The following SMC6 variants were observed in gnomAD, a reference collection of about 807,000 sequenced individuals.
SMC6 encodes the protein structural maintenance of chromosomes protein 6.
Under a neutral mutation model 142.2 loss-of-function variants are expected in SMC6, and 79 were observed. That is an observed-to-expected ratio of 0.56 (90% confidence interval 0.46 to 0.67). The LOEUF (loss-of-function observed/expected upper bound fraction) is 0.67. Among genes scored for constraint, SMC6 ranks in the 30% least tolerant of loss-of-function variants. The probability of loss-of-function intolerance (pLI) is 0.00; values close to 1 mark genes in which losing one functional copy is unlikely to be tolerated. For synonymous variants in SMC6, 411 were observed against 412.4 expected (o/e 1.00, Z 0.04); for missense variants, 1,072 against 1,284.0 (o/e 0.83, Z 2.52).
At chr2:17,699,300 T>C (rs1390807556) in intron 21 of SMC6, among the ~76,000 whole-genome samples, 2 of 152,142 alleles carry the variant, frequency 1.3e-5, no homozygotes, top group African/African-American at 2.4e-5. Context: ...CTGGTCTCCA[T>C]GGTTTCTGAT....
intron 16 of SMC6, among the ~76,000 whole-genome samples, chr2:17,709,750 C>CT (rs1286735336): frequency 2.6e-5 from 4 of 152,008 alleles, no homozygotes; most frequent in Admixed American, 6.6e-5. Flanking sequence ...GCTTATGGTG[C>CT]TTTTTTACAC....
At chr2:17,673,336 CACTTAATGTT>C (rs935993655) in intron 25 of SMC6, among the ~76,000 whole-genome samples, 8 of 151,914 alleles carry the variant, frequency 5.3e-5, no homozygotes, top group African/African-American at 1.9e-4. Flanking sequence ...CTTCTTTTAT[CACTTAATGTT>C]ACTTTTTGAT....
intron 23 of SMC6, among the ~76,000 whole-genome samples, chr2:17,684,184 C>T (rs988513395): frequency 1.3e-5 from 2 of 152,114 alleles, no homozygotes; most frequent in Non-Finnish European, 2.9e-5. Flanking sequence ...CCTCCCCTGT[C>T]CTAAACAAGA....
At chr2:17,702,071 G>A (rs1405861116) in intron 19 of SMC6, among the ~76,000 whole-genome samples, 162 bp from the exon 20 acceptor site, 3 of 152,080 alleles carry the variant, frequency 2.0e-5, no homozygotes, top group African/African-American at 4.8e-5. Flanking sequence ...AGGAAATTAC[G>A]TATAAATTCT....
At chr2:17,691,327 T>C (rs879694513) in intron 23 of SMC6, among the ~76,000 whole-genome samples, 8 of 97,032 alleles carry the variant, frequency 8.2e-5, no homozygotes, top group South Asian at 2.7e-4. Context: ...TGTGTGTGTG[T>C]GTGTGTCTCT....
chr2:17,753,688 C>T lies in SMC6; in HGVS notation c.-155G>A, dbSNP rs1413870289. The T allele has an allele frequency of 6.6e-6, 1 of 152,222 alleles. No individual in the cohort carries two copies. The highest frequency in any genetic ancestry group is 2.4e-5 in the African/African-American group (1 of 41,462). 9.4% of individuals were successfully genotyped at this position (152,222 alleles called of 1,614,324 possible). A position where few individuals can be genotyped will look rare whatever the true frequency, so the allele number is the denominator to read the frequency against. Reference sequence around the variant, plus strand: ...GCGGGGCTGCCGTGGTACGACCGGCCGCTAAGGCCACCCTGCGGGCGTCTC... The same window carrying T: ...GCGGGGCTGCCGTGGTACGACCGGCTGCTAAGGCCACCCTGCGGGCGTCTC... On this transcript the variant is annotated 5_prime_UTR_variant, in exon 1 of 28. Transcript: ENST00000448223.
intron 20 of SMC6, 57 bp downstream of exon 20, chr2:17,701,772 C>A: frequency 9.5e-7 from 1 of 1,057,586 alleles, no homozygotes; most frequent in Non-Finnish European, 1.4e-6. Context: ...ATGCCATTAA[C>A]CTAAATGGTG....
intron 7 of SMC6, 80 bp downstream of exon 7, chr2:17,730,998 A>T: frequency 9.0e-7 from 1 of 1,113,542 alleles, no homozygotes. Flanking sequence ...GGCCATTTAA[A>T]TTTTTTCTAC....
In SMC6 at chr2:17,711,148, A is replaced by G. The variant is rs561787886; in HGVS notation, c.1731-2395T>C. Among the ~76,000 whole-genome samples the G allele has an allele frequency of 1.1e-4, 16 of 152,300 alleles. No individual in the cohort carries two copies. The South Asian group carries it at 3.3e-3, about 32-fold the overall frequency. The stretch of plus-strand genomic sequence containing the variant: ...AAGGAGTCACCATTTTCGGGCAGCC[A>G]AAGGCCATCATTACATGAAGCTGTT... On this transcript the variant is annotated intron_variant, in intron 16 of 27. Coordinates refer to ENST00000448223, the MANE Select transcript of SMC6 (RefSeq NM_001142286.2).
At chr2:17,675,586 A>C (rs1666960815) in intron 25 of SMC6, among the ~76,000 whole-genome samples, 1 of 152,066 alleles carries the variant, frequency 6.6e-6, no homozygotes, top group African/African-American at 2.4e-5. Context: ...AAGATGTTTC[A>C]TCCTCATTTT....
intron 24 of SMC6, among the ~76,000 whole-genome samples, chr2:17,682,330 T>C (rs1006439065): frequency 5.9e-5 from 9 of 152,180 alleles, no homozygotes; most frequent in African/African-American, 2.2e-4. Context: ...TAGAACTGCC[T>C]GCTAGTTCTA....
At chr2:17,701,994 T>A in intron 19 of SMC6, 85 bp from the exon 20 acceptor site, 1 of 695,180 alleles carries the variant, frequency 1.4e-6, no homozygotes, top group South Asian at 1.9e-5. Flanking sequence ...TCTACAAAGC[T>A]CTATAATGAT....
rs1350180932 is a variant in SMC6, at chr2:17,701,820, G to A, written c.2223+9C>T. The A allele has an allele frequency of 6.6e-7, 1 of 1,509,810 alleles. No homozygotes were observed. The allele number at this position is 1,509,810 out of a possible 1,614,324, so 93.5% of individuals were successfully genotyped here. ...AATATTACATTTAAATTGAAAAAAA[G>A]TATTTTACCAAAGTTGCAATATCTA... On this transcript the variant is annotated intron_variant, in intron 20 of 27. Transcript: ENST00000448223.
intron 18 of SMC6, 21 bp from the exon 19 acceptor site, chr2:17,703,313 T>TA: frequency 9.5e-6 from 15 of 1,578,160 alleles, no homozygotes; most frequent in Non-Finnish European, 1.3e-5. Context: ...AAGGAGAAGA[T>TA]AGAAAATACT....
chr2:17,702,011 G>T, intron 19 of SMC6, 102 bp from the exon 20 acceptor site: 1 of 635,120 alleles, frequency 1.6e-6, no homozygotes. Context: ...TGATGATACA[G>T]AAGGATTCCA....
chr2:17,738,785 C>T (rs113590077), intron 4 of SMC6, among the ~76,000 whole-genome samples: 4 of 152,164 alleles, frequency 2.6e-5, no homozygotes, highest in African/African-American at 9.6e-5. Context: ...CCTCAGTAGC[C>T]GGGATTACAG....
chr2:17,731,937 T>C, intron 5 of SMC6, 60 bp from the exon 6 acceptor site: 1 of 1,522,766 alleles, frequency 6.6e-7, no homozygotes, highest in African/African-American at 1.4e-5. Context: ...AATACTAGGT[T>C]GCCACAGTTT....
At chr2:17,725,200 T>A in intron 9 of SMC6, 57 bp downstream of exon 9, 1 of 1,111,174 alleles carries the variant, frequency 9.0e-7, no homozygotes, top group South Asian at 1.4e-5. Flanking sequence ...TCATTTACTG[T>A]AAGTACTATA....
chr2:17,717,796 T>C (rs1391059879), intron 12 of SMC6, among the ~76,000 whole-genome samples: 2 of 152,030 alleles, frequency 1.3e-5, no homozygotes, highest in South Asian at 2.1e-4. Context: ...AGCCTGGATA[T>C]TGTGGTGAAA....
Sources: allele counts gnomAD v4.1 joint callset (sites outside exome capture counted in the v4.1 genomes callset), GRCh38; gene constraint gnomAD v4.1.1; transcripts MANE v1.5; gene names NCBI Gene and HGNC (gene_info 2026-07-23, HGNC 2026-07-21).